The following MACROD2 variants were observed in gnomAD, a reference collection of about 807,000 sequenced individuals.
MACROD2 encodes the protein ADP-ribose glycohydrolase MACROD2.
In MACROD2, 36 loss-of-function variants were observed where a neutral mutation model predicts 70.4. The observed-to-expected ratio is 0.51, with a 90% confidence interval of 0.39 to 0.68. The LOEUF is 0.68. MACROD2 is among the 30% of genes least tolerant of loss of function. The pLI is 0.00. For missense variants in MACROD2, 496 were observed against 538.4 expected, an observed-to-expected ratio of 0.92 and a Z score of 0.78; for synonymous variants, 172 against 178.8, an observed-to-expected ratio of 0.96 and a Z score of 0.30.
chr20:14,467,663 T>G (rs765913657), intron 3 of MACROD2, among the ~76,000 whole-genome samples: 6 of 152,052 alleles, frequency 3.9e-5, no homozygotes, highest in Non-Finnish European at 7.4e-5. Flanking sequence ...TTCGGCTATC[T>G]TGGCTCCACC....
Position 14,276,456 on chromosome 20 carries a change from A to T in MACROD2, c.271+190728A>T, listed in dbSNP as rs376249231. Among the ~76,000 whole-genome samples, 125 of 119,288 alleles carry T rather than the reference A, an allele frequency of 1.0e-3. 1 individual carries two copies. The East Asian group carries it at 0.027, about 26-fold the overall frequency. The allele number at this position is 119,288 out of a possible 152,430, so 78.3% of individuals were successfully genotyped here. A position where few individuals can be genotyped will look rare whatever the true frequency, so the allele number is the denominator to read the frequency against. Reference sequence around the variant, plus strand: ...AACACATGGACACAGGAAGGGGAACATCACACTCTGGGGACTGTTGTGGGG... The same window carrying T: ...AACACATGGACACAGGAAGGGGAACTTCACACTCTGGGGACTGTTGTGGGG... On this transcript the variant is annotated intron_variant, in intron 3 of 17. Transcript: ENST00000684519.
chr20:14,881,161 G>A (rs2073606924), intron 5 of MACROD2, among the ~76,000 whole-genome samples: 1 of 151,812 alleles, frequency 6.6e-6, no homozygotes, highest in Admixed American at 6.6e-5. Flanking sequence ...ATTAATTCCT[G>A]CTAGGCCCTT....
chr20:16,003,223 GC>G (rs2066739790), intron 15 of MACROD2, among the ~76,000 whole-genome samples: 1 of 152,082 alleles, frequency 6.6e-6, no homozygotes, highest in Admixed American at 6.5e-5. Flanking sequence ...AGTAGCTTCA[GC>G]ATCATCTAGG....
At chr20:14,864,788 C>CT (rs1385340341) in intron 5 of MACROD2, among the ~76,000 whole-genome samples, 2 of 151,930 alleles carry the variant, frequency 1.3e-5, no homozygotes, top group African/African-American at 4.8e-5. Flanking sequence ...TCCCAGTTTG[C>CT]TTTAAAAAAA....
chr20:15,883,965 T>C lies in MACROD2; in HGVS notation c.728-1799T>C, dbSNP rs552253952. Among the ~76,000 whole-genome samples, 3 of 152,240 alleles carry C rather than the reference T, an allele frequency of 2.0e-5. No individual in the cohort carries two copies. In the East Asian group the frequency reaches 5.8e-4, roughly 29 times the overall value. On this transcript the variant is annotated intron_variant, in intron 9 of 17. Transcript: ENST00000684519. Reference sequence around the variant, plus strand: ...ATAATAACAGCTAATATTTAGCACTTAACAATGTTTCAGTAGCTGTCCTAG... The same window carrying C: ...ATAATAACAGCTAATATTTAGCACTCAACAATGTTTCAGTAGCTGTCCTAG...
intron 6 of MACROD2, among the ~76,000 whole-genome samples, chr20:15,392,128 AG>A (rs61030923): frequency 0.088 from 13,465 of 152,242 alleles, 730 homozygotes; most frequent in East Asian, 0.18. Context: ...TAATGCACAC[AG>A]GGCCAACTAT....
chr20:15,536,578 A>G (rs1165714311), intron 8 of MACROD2, among the ~76,000 whole-genome samples: 1 of 152,220 alleles, frequency 6.6e-6, no homozygotes, highest in Non-Finnish European at 1.5e-5. Flanking sequence ...TGCAGTGACC[A>G]TTTTGGCATG....
At chr20:15,717,429 T>C (rs557582275) in intron 8 of MACROD2, among the ~76,000 whole-genome samples, 3 of 152,326 alleles carry the variant, frequency 2.0e-5, no homozygotes, top group Admixed American at 1.3e-4. Context: ...GATGGAACTA[T>C]GTATTCATAT....
At chr20:14,258,238 CT>C (rs1568524828) in intron 3 of MACROD2, among the ~76,000 whole-genome samples, 1 of 152,136 alleles carries the variant, frequency 6.6e-6, no homozygotes, top group Non-Finnish European at 1.5e-5. Context: ...TTCTTTTCCT[CT>C]GGGTAGATGC....
chr20:15,438,756 C>T (rs888455911), intron 7 of MACROD2, among the ~76,000 whole-genome samples: 1 of 152,168 alleles, frequency 6.6e-6, no homozygotes, highest in African/African-American at 2.4e-5. Flanking sequence ...TTCTGCATAT[C>T]CTTTGCACAC....
intron 5 of MACROD2, among the ~76,000 whole-genome samples, chr20:15,048,123 A>T (rs1790316287): frequency 3.3e-5 from 5 of 152,074 alleles, no homozygotes; most frequent in African/African-American, 7.2e-5. Flanking sequence ...TAAATAATAA[A>T]AAATTAGCCA....
chr20:14,614,796 G>A (rs931789618), intron 4 of MACROD2, among the ~76,000 whole-genome samples: 1 of 151,980 alleles, frequency 6.6e-6, no homozygotes, highest in African/African-American at 2.4e-5. Flanking sequence ...AACACTGCAG[G>A]CATATATGAT....
At chr20:14,778,986 G>A (rs1162569925) in intron 5 of MACROD2, among the ~76,000 whole-genome samples, 1 of 152,062 alleles carries the variant, frequency 6.6e-6, no homozygotes, top group African/African-American at 2.4e-5. Flanking sequence ...TTTTAAAAAA[G>A]TTATTGTAAT....
chr20:14,178,584 G>A (rs756572388), intron 3 of MACROD2, among the ~76,000 whole-genome samples: 9 of 152,140 alleles, frequency 5.9e-5, no homozygotes, highest in Non-Finnish European at 8.8e-5. Context: ...GGATTGAGTA[G>A]AAATGGGTTG....
At chr20:15,444,140 G>C (rs889108987) in intron 7 of MACROD2, among the ~76,000 whole-genome samples, 1 of 152,096 alleles carries the variant, frequency 6.6e-6, no homozygotes, top group Non-Finnish European at 1.5e-5. Flanking sequence ...CCTGTTTTGG[G>C]TATTTCATGT....
At chr20:15,539,158 A>G (rs1274448019) in intron 8 of MACROD2, among the ~76,000 whole-genome samples, 1 of 152,204 alleles carries the variant, frequency 6.6e-6, no homozygotes, top group East Asian at 1.9e-4. Context: ...AACAAATACA[A>G]TGATAAATGT....
intron 15 of MACROD2, among the ~76,000 whole-genome samples, chr20:16,028,320 G>A (rs2147574077): frequency 6.6e-6 from 1 of 152,194 alleles, no homozygotes; most frequent in East Asian, 1.9e-4. Context: ...ACTCCATGAG[G>A]GCAGAGGTGT....
chr20:14,555,453 C>T (rs1437439906), intron 4 of MACROD2, among the ~76,000 whole-genome samples: 1 of 151,912 alleles, frequency 6.6e-6, no homozygotes, highest in Admixed American at 6.6e-5. Context: ...ACTTATTTAG[C>T]ATTTTCTGAG....
chr20:15,587,754 G>A (rs1415118850), intron 8 of MACROD2, among the ~76,000 whole-genome samples: 1 of 152,188 alleles, frequency 6.6e-6, no homozygotes, highest in East Asian at 1.9e-4. Flanking sequence ...CTCACATCCA[G>A]GTAATGCTGA....
Sources: gnomAD v4.1 joint callset for allele counts (sites outside exome capture counted in the v4.1 genomes callset) on GRCh38, gnomAD v4.1.1 for gene constraint, MANE v1.5 for transcripts, NCBI Gene and HGNC (gene_info 2026-07-23, HGNC 2026-07-21) for gene names.